Variants in MYO16 observed in about 807,000 individuals in gnomAD.
MYO16 encodes the protein myosin XVI.
MYO16 carries 94 observed loss-of-function variants against 205.3 expected under a neutral mutation model. The ratio of observed to expected loss-of-function variants is 0.46; its 90% confidence interval spans 0.39 to 0.54. The LOEUF (loss-of-function observed/expected upper bound fraction) is 0.54. MYO16 is among the 20% of genes least tolerant of loss of function. MYO16 has a pLI of 0.00. For synonymous variants in MYO16, 988 were observed against 954.0 expected (o/e 1.04, Z -0.66); for missense variants, 2,315 against 2,387.5 (o/e 0.97, Z 0.63).
At chr13:109,081,245 C>G (rs186102547) in intron 27 of MYO16, among the ~76,000 whole-genome samples, 1 of 152,232 alleles carries the variant, frequency 6.6e-6, no homozygotes, top group East Asian at 1.9e-4. Context: ...GAAGTCATCT[C>G]AAATAAAATC....
intron 20 of MYO16, among the ~76,000 whole-genome samples, chr13:108,977,882 T>A (rs1381082439): frequency 6.6e-6 from 1 of 152,134 alleles, no homozygotes; most frequent in African/African-American, 2.4e-5. Context: ...ACAATTCTTC[T>A]GGGATGTTGA....
intron 24 of MYO16, chr13:109,048,376 T>G (rs1378386013): frequency 1.3e-6 from 1 of 754,184 alleles, no homozygotes. Flanking sequence ...GAATTTACAA[T>G]GTACCCTTTT....
chr13:108,801,922 A>G (rs1886979746), intron 6 of MYO16, among the ~76,000 whole-genome samples: 1 of 152,216 alleles, frequency 6.6e-6, no homozygotes, highest in African/African-American at 2.4e-5. Flanking sequence ...AATAAAATAA[A>G]TTGCTAGGTA....
At chr13:109,076,214 G>A (rs958053431) in intron 27 of MYO16, among the ~76,000 whole-genome samples, 1 of 151,950 alleles carries the variant, frequency 6.6e-6, no homozygotes, top group Non-Finnish European at 1.5e-5. Context: ...TATTTTCTCT[G>A]TTGTTTTCTG....
intron 4 of MYO16, among the ~76,000 whole-genome samples, chr13:108,748,718 A>C (rs369052688): frequency 2.0e-5 from 3 of 152,152 alleles, no homozygotes. Flanking sequence ...ACAGCAATGC[A>C]AAAGAGAAAA....
At chr13:108,840,974 C>T (rs1217704282) in intron 9 of MYO16, among the ~76,000 whole-genome samples, 1 of 152,144 alleles carries the variant, frequency 6.6e-6, no homozygotes, top group Admixed American at 6.6e-5. Context: ...CCTCACCAAA[C>T]TGATTTATCA....
chr13:108,569,494 G>A, the MYO16 span, among the ~76,000 whole-genome samples: 4 of 151,636 alleles, frequency 2.6e-5, no homozygotes, highest in African/African-American at 9.7e-5. Context: ...TTTTAATATT[G>A]AGCTGGTAAT....
chr13:108,844,467 A>G lies in MYO16; in HGVS notation c.1222A>G (p.Met408Val), dbSNP rs201571535. 6.2e-7 allele frequency: 1 copy of G among 1,611,460 alleles called. No homozygotes were observed. Among genetic ancestry groups the G allele is most frequent in the African/African-American group, 1.3e-5 (1 of 75,028 alleles). ...SQDSIPENPMMSGSTKPEQVK... is the reference protein window; with the variant it reads ...SQDSIPENPMVSGSTKPEQVK... ...GGACAGCATCCCTGAAAACCCCATG[A>G]TGAGCGGTTCCACCAAACCCGAGCA... The change falls in exon 10 of 35, where the codon ATG (methionine) becomes GTG (valine). Residue 408 changes from methionine (M) to valine (V), a missense_variant. Met to Val is a conservative substitution (Grantham distance 21, BLOSUM62 1). Around this residue, in one of 3 missense-constraint regions of MYO16, gnomAD observed 1,213 missense variants for 1,274.4 expected, o/e 0.95. Transcript: ENST00000457511.
intron 4 of MYO16, among the ~76,000 whole-genome samples, chr13:108,783,615 C>T (rs1000833638): frequency 6.6e-6 from 1 of 152,072 alleles, no homozygotes; most frequent in African/African-American, 2.4e-5. Flanking sequence ...GTGTCCTCAC[C>T]CAAATCTCAA....
intron 34 of MYO16, among the ~76,000 whole-genome samples, chr13:109,205,698 A>G (rs971338347): frequency 1.3e-5 from 2 of 152,172 alleles, no homozygotes; most frequent in East Asian, 1.9e-4. Flanking sequence ...CCCCAGCTAC[A>G]TAGCCAGCTT....
chr13:109,170,833 C>T (rs1878894776), intron 33 of MYO16, among the ~76,000 whole-genome samples: 1 of 152,122 alleles, frequency 6.6e-6, no homozygotes. Context: ...TAAACTTCAG[C>T]ATGTAACACA....
At chr13:108,937,245 A>G (rs905329339) in intron 16 of MYO16, among the ~76,000 whole-genome samples, 5 of 151,774 alleles carry the variant, frequency 3.3e-5, no homozygotes, top group African/African-American at 9.7e-5. Context: ...CCCCCTTTGT[A>G]TATGATCTGC....
intron 23 of MYO16, among the ~76,000 whole-genome samples, chr13:109,035,227 T>C (rs902672235): frequency 1.3e-5 from 2 of 152,008 alleles, no homozygotes; most frequent in East Asian, 3.9e-4. Flanking sequence ...GTTTTTTTTT[T>C]CCCTCTACAA....
At chr13:109,179,783 C>T (rs959191948) in intron 34 of MYO16, 150 bp downstream of exon 34, 1 of 565,772 alleles carries the variant, frequency 1.8e-6, no homozygotes, top group Admixed American at 2.9e-5. Flanking sequence ...GCTGAATGGT[C>T]TTCTCTCTCC....
chr13:108,912,825 A>G (rs1454155381), intron 16 of MYO16, among the ~76,000 whole-genome samples: 2 of 151,918 alleles, frequency 1.3e-5, no homozygotes, highest in Non-Finnish European at 2.9e-5. Context: ...ATCTGTGTCT[A>G]TGTGTGTGTG....
In MYO16 at chr13:108,609,617, G is replaced by A. The variant is rs116266804; in HGVS notation, c.-39+13378G>A. 5.2e-3 allele frequency among the ~76,000 whole-genome samples: 799 copies of A among 152,236 alleles called. 8 individuals carry two copies. The highest frequency in any genetic ancestry group is 0.019 in the African/African-American group (769 of 41,538). ...GCACAGCAGAAGCCAAGATTCAGCC[G>A]CATTTGATAGCGTGGAAATTTCATT... On this transcript the variant is annotated intron_variant, in intron 1 of 24. Transcript: ENST00000251041.
intron 31 of MYO16, among the ~76,000 whole-genome samples, chr13:109,138,674 T>G (rs577548683): frequency 2.6e-4 from 40 of 152,210 alleles, no homozygotes; most frequent in African/African-American, 9.4e-4. Context: ...TGAGTATGTG[T>G]TTTTGTTAAG....
chr13:108,671,106 T>C (rs946343961), intron 2 of MYO16, among the ~76,000 whole-genome samples: 3 of 152,172 alleles, frequency 2.0e-5, no homozygotes, highest in Non-Finnish European at 2.9e-5. Flanking sequence ...TAACTTTTAG[T>C]TGTGTTTTAT....
chr13:108,541,591 TA>T, the MYO16 span, among the ~76,000 whole-genome samples: 1 of 152,072 alleles, frequency 6.6e-6, no homozygotes, highest in African/African-American at 2.4e-5. Context: ...CATTTTACCA[TA>T]AAAAGTTTTC....
Sources: allele counts gnomAD v4.1 joint callset (sites outside exome capture counted in the v4.1 genomes callset), GRCh38; gene constraint gnomAD v4.1.1; regional missense constraint gnomAD v4.1.1; transcripts MANE v1.5; gene names NCBI Gene and HGNC (gene_info 2026-07-23, HGNC 2026-07-21).